The following CNTN5 variants were observed in gnomAD, a reference collection of about 807,000 sequenced individuals.
The protein encoded by CNTN5 is contactin 5.
In CNTN5, 77 loss-of-function variants were observed where a neutral mutation model predicts 129.1. That is an observed-to-expected ratio of 0.60 (90% CI 0.50 to 0.72). The LOEUF (loss-of-function observed/expected upper bound fraction) is 0.72. Ranked by LOEUF, CNTN5 falls within the 30% of genes least tolerant of loss-of-function variation. The probability of loss-of-function intolerance (pLI) is 0.00; values close to 1 mark genes in which losing one functional copy is unlikely to be tolerated. For missense variants in CNTN5, 1,478 were observed against 1,328.8 expected, an observed-to-expected ratio of 1.11 and a Z score of -1.75; for synonymous variants, 509 against 465.6, an observed-to-expected ratio of 1.09 and a Z score of -1.20.
chr11:99,192,020 T>C (rs1858670303), intron 1 of CNTN5, among the ~76,000 whole-genome samples: 1 of 151,740 alleles, frequency 6.6e-6, no homozygotes, highest in Admixed American at 6.6e-5. Context: ...ACTTGAGTTG[T>C]ATTTTTTTAA....
intron 3 of CNTN5, among the ~76,000 whole-genome samples, chr11:99,562,102 C>T (rs569543064): frequency 2.6e-5 from 4 of 152,282 alleles, no homozygotes; most frequent in South Asian, 4.1e-4. Flanking sequence ...GAGTGTCTCT[C>T]TCTCTCTGCA....
chr11:99,422,843 TTG>T (rs1170076747), intron 2 of CNTN5, among the ~76,000 whole-genome samples: 6 of 151,926 alleles, frequency 3.9e-5, no homozygotes, highest in Middle Eastern at 3.2e-3. Flanking sequence ...AGGGGTAAGT[TTG>T]AGATTTTTGC....
intron 1 of CNTN5, among the ~76,000 whole-genome samples, chr11:99,076,456 A>C (rs931093570): frequency 1.3e-5 from 2 of 152,132 alleles, no homozygotes; most frequent in African/African-American, 4.8e-5. Flanking sequence ...ACAAATACAC[A>C]CACACACAAG....
chr11:99,959,927 AT>A (rs35729015), intron 8 of CNTN5, among the ~76,000 whole-genome samples: 35,602 of 149,624 alleles, frequency 0.24, 4,690 homozygotes, highest in African/African-American at 0.35. Context: ...TTATTTGTCC[AT>A]TTTTTTTTTA....
intron 3 of CNTN5, among the ~76,000 whole-genome samples, chr11:99,579,628 G>C (rs1316823296): frequency 5.7e-5 from 8 of 140,524 alleles, no homozygotes; most frequent in South Asian, 2.5e-4. Flanking sequence ...TTGGCTCTCT[G>C]TTTGTCTGTT....
intron 1 of CNTN5, among the ~76,000 whole-genome samples, chr11:99,250,387 C>T (rs1477305641): frequency 6.6e-6 from 1 of 151,862 alleles, no homozygotes; most frequent in East Asian, 1.9e-4. Flanking sequence ...CCAGGAAATA[C>T]ATGAAGGATA....
chr11:99,319,271 C>T (rs981641630), intron 1 of CNTN5, among the ~76,000 whole-genome samples: 2 of 152,100 alleles, frequency 1.3e-5, no homozygotes, highest in Non-Finnish European at 2.9e-5. Flanking sequence ...ACCTAGAAAA[C>T]GTCCTTAATG....
intron 6 of CNTN5, among the ~76,000 whole-genome samples, chr11:99,906,560 G>C (rs1386483977): frequency 6.6e-6 from 1 of 152,150 alleles, no homozygotes; most frequent in Non-Finnish European, 1.5e-5. Context: ...ATGTTTTATT[G>C]AGGATTTCCA....
intron 2 of CNTN5, among the ~76,000 whole-genome samples, chr11:99,470,639 T>A (rs1305288563): frequency 6.6e-6 from 1 of 152,066 alleles, no homozygotes; most frequent in Admixed American, 6.6e-5. Context: ...CATCCACAAA[T>A]AATACACACC....
Position 100,265,579 on chromosome 11 carries a change from G to A in CNTN5, c.2165-5513G>A, listed in dbSNP as rs111615968. 4.6e-5 allele frequency among the ~76,000 whole-genome samples: 7 copies of A among 152,072 alleles called. No homozygotes were observed. The East Asian group carries it at 5.8e-4, about 13-fold the overall frequency. On this transcript the variant is annotated intron_variant, in intron 17 of 24. Coordinates refer to ENST00000524871, the MANE Select transcript of CNTN5 (RefSeq NM_014361.4). ...AAAAATGAATCTGGAGTTTAAACTC[G>A]CTGACACAGTTAATGCAATTGATAA...
intron 5 of CNTN5, 35 bp downstream of exon 5, chr11:99,845,010 T>A: frequency 6.2e-7 from 1 of 1,610,304 alleles, no homozygotes; most frequent in South Asian, 1.1e-5. Flanking sequence ...TTCTTAAGCC[T>A]TAAAAACTTT....
chr11:100,061,145 C>A, intron 9 of CNTN5, 67 bp from the exon 10 acceptor site: 2 of 1,294,908 alleles, frequency 1.5e-6, no homozygotes, highest in Non-Finnish European at 1.1e-6. Context: ...CTTAAATTAC[C>A]AGATAACAGA....
intron 3 of CNTN5, among the ~76,000 whole-genome samples, chr11:99,587,177 C>T (rs1300052179): frequency 1.3e-5 from 2 of 152,104 alleles, no homozygotes; most frequent in African/African-American, 4.8e-5. Flanking sequence ...TATGGGTAAT[C>T]CGCTGGATAT....
intron 3 of CNTN5, among the ~76,000 whole-genome samples, chr11:99,641,584 A>T (rs1007933946): frequency 1.3e-5 from 2 of 152,092 alleles, no homozygotes; most frequent in Non-Finnish European, 2.9e-5. Context: ...GTGAACCGGA[A>T]ATTCCTACAT....
intron 1 of CNTN5, among the ~76,000 whole-genome samples, chr11:99,141,684 G>A (rs913164034): frequency 6.6e-6 from 1 of 152,090 alleles, no homozygotes; most frequent in Non-Finnish European, 1.5e-5. Context: ...AGAGTTTCTA[G>A]TATGTTGTAT....
chr11:99,571,013 TACAG>T (rs1344337656), intron 3 of CNTN5, among the ~76,000 whole-genome samples: 1 of 152,112 alleles, frequency 6.6e-6, no homozygotes, highest in African/African-American at 2.4e-5. Context: ...GAAGAATCAA[TACAG>T]ACAAAGAGTC....
At chr11:100,068,139 T>C (rs1031992775) in intron 10 of CNTN5, among the ~76,000 whole-genome samples, 3 of 152,158 alleles carry the variant, frequency 2.0e-5, no homozygotes, top group African/African-American at 7.2e-5. Flanking sequence ...TCAGTTATTA[T>C]AGGTAGGACA....
At chr11:100,195,142 C>G (rs1045374150) in intron 15 of CNTN5, among the ~76,000 whole-genome samples, 7 of 151,690 alleles carry the variant, frequency 4.6e-5, no homozygotes, top group African/African-American at 1.7e-4. Context: ...TAAAACAGAC[C>G]AAGAAAATTT....
chr11:99,825,327 CTT>C (rs1430479884), intron 4 of CNTN5, among the ~76,000 whole-genome samples: 1 of 151,824 alleles, frequency 6.6e-6, no homozygotes, highest in East Asian at 1.9e-4. Context: ...TTACCATTAA[CTT>C]AGTCTATAGT....
Sources: allele counts gnomAD v4.1 joint callset (sites outside exome capture counted in the v4.1 genomes callset), GRCh38; gene constraint gnomAD v4.1.1; transcripts MANE v1.5; gene names NCBI Gene and HGNC (gene_info 2026-07-23, HGNC 2026-07-21).